PTGFRN: variants seen among roughly 807,000 people sequenced by gnomAD.
The protein encoded by PTGFRN is prostaglandin F2 receptor inhibitor, also known as prostaglandin F2 receptor negative regulator.
In PTGFRN, 35 loss-of-function variants were observed where a neutral mutation model predicts 83.2. The observed-to-expected ratio is 0.42, with a 90% CI of 0.32 to 0.56. The LOEUF (loss-of-function observed/expected upper bound fraction) is 0.56, where lower values mean the gene tolerates loss of function less well. PTGFRN is among the 20% of genes least tolerant of loss of function. PTGFRN has a pLI of 0.11. For synonymous variants in PTGFRN, 519 were observed against 498.6 expected (o/e 1.04, Z -0.55); for missense variants, 1,051 against 1,179.5 (o/e 0.89, Z 1.60).
intron 5 of PTGFRN, among the ~76,000 whole-genome samples, chr1:116,962,751 C>T (rs997688313): frequency 1.3e-5 from 2 of 152,172 alleles, no homozygotes; most frequent in Non-Finnish European, 2.9e-5. Context: ...CTTTCTGTAC[C>T]GCTCCGTCTA....
At chr1:116,957,026 A>G (rs12566708) in intron 4 of PTGFRN, among the ~76,000 whole-genome samples, 16,088 of 151,774 alleles carry the variant, frequency 0.11, 944 homozygotes, top group Middle Eastern at 0.18. Flanking sequence ...GACCTTGAGA[A>G]TGAGTGGCGG....
chr1:116,967,881 C>T (rs1470363329), intron 6 of PTGFRN, among the ~76,000 whole-genome samples: 1 of 152,182 alleles, frequency 6.6e-6, no homozygotes, highest in African/African-American at 2.4e-5. Flanking sequence ...AATAATGCTG[C>T]TGTGGACATT....
chr1:116,947,337 T>C (rs1650226383), intron 3 of PTGFRN, among the ~76,000 whole-genome samples: 1 of 152,252 alleles, frequency 6.6e-6, no homozygotes, highest in African/African-American at 2.4e-5. Context: ...TTTAGTTATA[T>C]TCAGGGACAG....
At chr1:116,970,965 G>T (rs1475611189) in intron 6 of PTGFRN, among the ~76,000 whole-genome samples, 1 of 152,150 alleles carries the variant, frequency 6.6e-6, no homozygotes, top group Non-Finnish European at 1.5e-5. Context: ...ATATGATAGT[G>T]TAGGCTTTGG....
At chr1:116,922,868 C>G (rs1649572446) in intron 1 of PTGFRN, among the ~76,000 whole-genome samples, 1 of 152,202 alleles carries the variant, frequency 6.6e-6, no homozygotes, top group African/African-American at 2.4e-5. Context: ...AAGATAGATG[C>G]ACACAACACC....
Position 116,910,241 on chromosome 1 carries a change from T to C in PTGFRN, c.38T>C (p.Leu13Pro). The change falls in exon 1 of 9, where the codon CTC becomes CCC. Residue 13 changes from leucine (L) to proline (P), a missense_variant. By Grantham distance (98) the Leu-to-Pro change is moderately conservative. Coordinates refer to ENST00000393203, the MANE Select transcript of PTGFRN (RefSeq NM_020440.4). ...GCCTCGAGGCCGCTGCTGCTGGCGCTCCTGTCGTTGGGTGAGTGTGCGCGG... is the reference window on the plus strand; with the variant it reads ...GCCTCGAGGCCGCTGCTGCTGGCGCCCCTGTCGTTGGGTGAGTGTGCGCGG... ...RLASRPLLLA[L>P]LSLALCRGRV... 4 of 1,453,420 alleles carry C rather than the reference T, an allele frequency of 2.8e-6. No homozygotes were observed. Among genetic ancestry groups the C allele is most frequent in the Non-Finnish European group, 3.6e-6 (4 of 1,109,354 alleles). The allele number at this position is 1,453,420 out of a possible 1,614,324, so 90.0% of individuals were successfully genotyped here.
rs533656782 is a variant in PTGFRN, at chr1:116,963,481, T to C, written c.1639+1813T>C. Among the ~76,000 whole-genome samples the C allele has an allele frequency of 9.8e-5, 15 of 152,372 alleles. No individual in the cohort carries two copies. The East Asian group carries it at 1.5e-3, about 16-fold the overall frequency. The stretch of plus-strand genomic sequence containing the variant: ...CTTAGACCATGGCTGCTCTCTCTTA[T>C]GTCTTTGGTAATTCTCTCCCTTCTG... On this transcript the variant is annotated intron_variant, in intron 5 of 8. Transcript: ENST00000393203.
chr1:116,965,107 C>T (rs1650787333), intron 5 of PTGFRN, among the ~76,000 whole-genome samples: 1 of 152,120 alleles, frequency 6.6e-6, no homozygotes, highest in Non-Finnish European at 1.5e-5. Context: ...CTAGCACCCT[C>T]CCCAGCACCC....
At chr1:116,926,063 C>T (rs558360055) in intron 1 of PTGFRN, among the ~76,000 whole-genome samples, 120 of 142,214 alleles carry the variant, frequency 8.4e-4, no homozygotes, top group African/African-American at 3.6e-3. Flanking sequence ...ATGAGAAGGG[C>T]AGGCTTAAAG....
At chr1:116,940,925 T>C (rs1385149281) in intron 1 of PTGFRN, among the ~76,000 whole-genome samples, 1 of 152,162 alleles carries the variant, frequency 6.6e-6, no homozygotes, top group Non-Finnish European at 1.5e-5. Flanking sequence ...GTGCCAGTTG[T>C]AGGGTCCCTA....
At chr1:116,977,935 C>T (rs1182497649) in intron 7 of PTGFRN, among the ~76,000 whole-genome samples, 3 of 152,104 alleles carry the variant, frequency 2.0e-5, no homozygotes, top group Non-Finnish European at 4.4e-5. Flanking sequence ...AATCCAGGAG[C>T]TGGTTTTTTG....
Position 116,961,409 on chromosome 1 carries a change from C to T in PTGFRN, c.1380C>T (p.Thr460=). Residue 460 remains threonine, a synonymous_variant, in exon 5 of 9, where the codon ACC becomes ACT. Transcript: ENST00000393203. This position sits in a 1 kb window ranked among gnomAD's most constrained non-coding sequence, Gnocchi z 5.4. ...RMNRRSDNVV[T]SELLAVMDGD... ...ACCGGCGCAGCGACAATGTGGTGACCAGCGAGCTGCTTGCAGTCATGGACG... is the reference window on the plus strand; with the variant it reads ...ACCGGCGCAGCGACAATGTGGTGACTAGCGAGCTGCTTGCAGTCATGGACG... The T allele has an allele frequency of 6.2e-7, 1 of 1,613,892 alleles. No individual in the cohort carries two copies. The highest frequency in any genetic ancestry group is 8.5e-7 in the Non-Finnish European group (1 of 1,179,826).
chr1:116,935,914 G>A (rs924693618), intron 1 of PTGFRN, among the ~76,000 whole-genome samples: 19 of 152,128 alleles, frequency 1.2e-4, no homozygotes, highest in Admixed American at 6.5e-4. Context: ...AATGTTTTTC[G>A]TATGAAGGTT....
At chr1:116,919,641 A>G (rs910133454) in intron 1 of PTGFRN, among the ~76,000 whole-genome samples, 8 of 152,224 alleles carry the variant, frequency 5.3e-5, no homozygotes, top group Non-Finnish European at 1.2e-4. Context: ...ACTGAGTCAC[A>G]GAGGTGAAGT....
chr1:116,979,307 A>G (rs534386941), intron 7 of PTGFRN, among the ~76,000 whole-genome samples: 30 of 152,342 alleles, frequency 2.0e-4, no homozygotes, highest in African/African-American at 7.0e-4. Context: ...AAGGTAATTT[A>G]TAGATTCAAT....
intron 4 of PTGFRN, among the ~76,000 whole-genome samples, chr1:116,957,940 G>C (rs1037810009): frequency 2.0e-5 from 3 of 151,976 alleles, no homozygotes. Flanking sequence ...CAAATGGCAG[G>C]ATTTTGTTCT....
intron 1 of PTGFRN, among the ~76,000 whole-genome samples, chr1:116,917,472 G>A (rs1649432320): frequency 6.6e-6 from 1 of 152,156 alleles, no homozygotes; most frequent in African/African-American, 2.4e-5. Context: ...GCCTTGAAGA[G>A]CCAGAGAGGA....
chr1:116,986,901 T>C lies in PTGFRN; in HGVS notation c.2574T>C (p.Cys858=). ...CLIGYCSSHW[C]CKKEVQETRR... Reference sequence around the variant, plus strand: ...TCGGGTACTGCAGCTCCCACTGGTGTTGTAAGAAGGAGGTTCAGGAGACAC... The same window carrying C: ...TCGGGTACTGCAGCTCCCACTGGTGCTGTAAGAAGGAGGTTCAGGAGACAC... Residue 858 remains cysteine, a synonymous_variant, in exon 9 of 9, where the codon TGT becomes TGC. Transcript: ENST00000393203. The C allele has an allele frequency of 1.2e-6, 2 of 1,614,178 alleles. No individual in the cohort carries two copies. Among genetic ancestry groups the C allele is most frequent in the Non-Finnish European group, 1.7e-6 (2 of 1,180,010 alleles).
rs1650061905 is a variant in PTGFRN at position 116,941,609 on chromosome 1, A to T, written c.50-106A>T. On this transcript the variant is annotated intron_variant, in intron 1 of 8. Coordinates refer to ENST00000393203, the MANE Select transcript of PTGFRN (RefSeq NM_020440.4). The surrounding 1 kb of genome is among the most constrained non-coding windows in gnomAD (Gnocchi z 5.0). ...CATTTTCCCTAGTAGTTTGGCTGTC[A>T]CGTTTCTGCCATGCCTGTGAGCAGG... 1 of 1,433,828 alleles carries T rather than the reference A, an allele frequency of 7.0e-7. No individual in the cohort carries two copies. The highest frequency in any genetic ancestry group is 1.4e-5 in the African/African-American group (1 of 70,106). The allele number at this position is 1,433,828 out of a possible 1,614,324, so 88.8% of individuals were successfully genotyped here. A position where few individuals can be genotyped will look rare whatever the true frequency, so the allele number is the denominator to read the frequency against.
Sources: allele counts gnomAD v4.1 joint callset (sites outside exome capture counted in the v4.1 genomes callset), GRCh38; gene constraint gnomAD v4.1.1; non-coding constraint Gnocchi (gnomAD v3.1); transcripts MANE v1.5; gene names NCBI Gene and HGNC (gene_info 2026-07-23, HGNC 2026-07-21).